DYNC1I1: variants seen among roughly 807,000 people sequenced by gnomAD.
DYNC1I1 encodes cytoplasmic dynein 1 intermediate chain 1.
DYNC1I1 carries 43 observed loss-of-function variants against 86.6 expected under a neutral mutation model. That is an observed-to-expected ratio of 0.50 (90% CI 0.39 to 0.64). The LOEUF is 0.64. Ranked by LOEUF, DYNC1I1 falls within the 30% of genes least tolerant of loss-of-function variation. The probability of loss-of-function intolerance (pLI) is 0.00; values close to 1 mark genes in which losing one functional copy is unlikely to be tolerated. For synonymous variants in DYNC1I1, 262 were observed against 283.7 expected, an observed-to-expected ratio of 0.92 and a Z score of 0.77; for missense variants, 604 against 788.8, an observed-to-expected ratio of 0.77 and a Z score of 2.81.
chr7:95,898,386 A>G (rs1434775572), intron 6 of DYNC1I1, among the ~76,000 whole-genome samples: 3 of 152,228 alleles, frequency 2.0e-5, no homozygotes, highest in Non-Finnish European at 2.9e-5. Context: ...TCCCTGGTTT[A>G]GATAACATGA....
intron 1 of DYNC1I1, among the ~76,000 whole-genome samples, chr7:95,773,423 C>A (rs569930789): frequency 1.3e-4 from 20 of 152,294 alleles, no homozygotes; most frequent in South Asian, 8.3e-4. Context: ...TTCGGAATCG[C>A]TCTGGCCTTA....
intron 6 of DYNC1I1, among the ~76,000 whole-genome samples, chr7:95,965,305 T>C (rs1792980573): frequency 6.6e-6 from 1 of 152,198 alleles, no homozygotes; most frequent in African/African-American, 2.4e-5. Flanking sequence ...CCCATTAATA[T>C]ATCTTCATCC....
At chr7:95,815,886 A>C (rs1794934921) in intron 4 of DYNC1I1, among the ~76,000 whole-genome samples, 1 of 152,240 alleles carries the variant, frequency 6.6e-6, no homozygotes, top group East Asian at 1.9e-4. Flanking sequence ...AATTTTCTTT[A>C]GAAAGCCAAA....
chr7:95,847,149 T>C (rs1282459311), intron 5 of DYNC1I1, among the ~76,000 whole-genome samples: 1 of 152,216 alleles, frequency 6.6e-6, no homozygotes. Context: ...AATCTCTAAT[T>C]TGTTTCCTTT....
intron 9 of DYNC1I1, among the ~76,000 whole-genome samples, chr7:95,994,789 A>C (rs560224984): frequency 1.3e-5 from 2 of 152,348 alleles, no homozygotes; most frequent in South Asian, 4.1e-4. Flanking sequence ...AGGATGGAGA[A>C]TGGAGTAGGT....
chr7:95,969,995 C>T (rs186180719), intron 6 of DYNC1I1, among the ~76,000 whole-genome samples: 27 of 152,222 alleles, frequency 1.8e-4, no homozygotes, highest in African/African-American at 2.4e-4. Context: ...AGCGTAGAGG[C>T]GCTCACCTTG....
intron 5 of DYNC1I1, among the ~76,000 whole-genome samples, chr7:95,831,858 G>C (rs1482680368): frequency 6.6e-6 from 1 of 151,610 alleles, no homozygotes; most frequent in Non-Finnish European, 1.5e-5. Flanking sequence ...TTTTGCTATT[G>C]AGTTGTTTCA....
chr7:96,028,951 C>T (rs903304310), intron 11 of DYNC1I1, among the ~76,000 whole-genome samples: 1 of 152,172 alleles, frequency 6.6e-6, no homozygotes, highest in African/African-American at 2.4e-5. Context: ...AGCAATTGTT[C>T]AGAGGAATGA....
intron 6 of DYNC1I1, among the ~76,000 whole-genome samples, chr7:95,971,830 C>A (rs1793178585): frequency 1.3e-5 from 2 of 152,104 alleles, no homozygotes; most frequent in African/African-American, 4.8e-5. Context: ...CTATGGGCAG[C>A]AGGAGGATGC....
intron 10 of DYNC1I1, among the ~76,000 whole-genome samples, chr7:96,002,810 G>T (rs1051441894): frequency 1.8e-4 from 27 of 150,982 alleles, no homozygotes; most frequent in Non-Finnish European, 3.1e-4. Context: ...TTTTTTTTTT[G>T]GTTTTGGTTT....
chr7:95,931,215 G>T (rs1384921462), intron 6 of DYNC1I1, among the ~76,000 whole-genome samples: 1 of 151,118 alleles, frequency 6.6e-6, no homozygotes, highest in Non-Finnish European at 1.5e-5. Context: ...GCGCAATCTC[G>T]GCTCACTGCA....
chr7:95,895,443 G>A (rs1390735478), intron 6 of DYNC1I1, among the ~76,000 whole-genome samples: 5 of 152,078 alleles, frequency 3.3e-5, no homozygotes, highest in African/African-American at 1.2e-4. Context: ...CAGCTTCGAC[G>A]ATTGCTCTCA....
chr7:96,032,435 A>G lies in DYNC1I1; in HGVS notation c.1117-232A>G, dbSNP rs192580076. ...GCGTCCTTCTGTTCCACTGCATTGC[A>G]TTCTGACTGAGCAAGGTGAAGCTTT... On this transcript the variant is annotated intron_variant, in intron 11 of 16. Transcript: ENST00000447467. 2.7e-4 allele frequency among the ~76,000 whole-genome samples: 41 copies of G among 152,296 alleles called. No individual in the cohort carries two copies. In the East Asian group the frequency reaches 7.9e-3, roughly 29 times the overall value.
At chr7:95,888,839 A>G (rs1790664548) in intron 6 of DYNC1I1, among the ~76,000 whole-genome samples, 2 of 152,182 alleles carry the variant, frequency 1.3e-5, no homozygotes, top group South Asian at 2.1e-4. Flanking sequence ...TGTCTTCTCA[A>G]TTGAACTGAT....
intron 1 of DYNC1I1, among the ~76,000 whole-genome samples, chr7:95,790,640 T>C (rs940585556): frequency 2.0e-5 from 3 of 152,204 alleles, no homozygotes; most frequent in Non-Finnish European, 4.4e-5. Flanking sequence ...GAAGGAAAAC[T>C]GCTGACATAA....
At chr7:96,097,362 C>T (rs1170291325) in intron 16 of DYNC1I1, 121 bp from the exon 17 acceptor site, 2 of 1,076,686 alleles carry the variant, frequency 1.9e-6, no homozygotes, top group Admixed American at 2.4e-5. Flanking sequence ...ATTTCCTTTA[C>T]ATTCCAAGGG....
intron 10 of DYNC1I1, among the ~76,000 whole-genome samples, chr7:96,010,384 A>G (rs1449415149): frequency 6.6e-6 from 1 of 151,990 alleles, no homozygotes; most frequent in African/African-American, 2.4e-5. Flanking sequence ...AAGAATACCT[A>G]CCTCCTACCT....
At chr7:95,986,342 G>A (rs1008363084) in intron 8 of DYNC1I1, among the ~76,000 whole-genome samples, 8 of 152,106 alleles carry the variant, frequency 5.3e-5, no homozygotes, top group African/African-American at 1.7e-4. Context: ...AACATTACTC[G>A]ATGTAAATAC....
chr7:95,896,445 C>T (rs1048337406), intron 6 of DYNC1I1, among the ~76,000 whole-genome samples: 2 of 152,204 alleles, frequency 1.3e-5, no homozygotes, highest in African/African-American at 4.8e-5. Context: ...TTAACACTGA[C>T]TACTTTAAAT....
Sources: gnomAD v4.1 joint callset for allele counts (sites outside exome capture counted in the v4.1 genomes callset) on GRCh38, gnomAD v4.1.1 for gene constraint, MANE v1.5 for transcripts, NCBI Gene and HGNC (gene_info 2026-07-23, HGNC 2026-07-21) for gene names.